The following SLC9A9 variants were observed in gnomAD, a reference collection of about 807,000 sequenced individuals.
The protein encoded by SLC9A9 is sodium/hydrogen exchanger 9.
In SLC9A9, 62 loss-of-function variants were observed where a neutral mutation model predicts 77.8. The ratio of observed to expected loss-of-function variants is 0.80; its 90% CI spans 0.65 to 0.98. The LOEUF is 0.98. SLC9A9 is among the 50% of genes least tolerant of loss of function. The pLI, the probability that SLC9A9 is intolerant of heterozygous loss-of-function variation, is 0.00. For synonymous variants in SLC9A9, 320 were observed against 283.5 expected (o/e 1.13, Z -1.29); for missense variants, 775 against 774.9 (o/e 1.00, Z 0.00).
intron 4 of SLC9A9, among the ~76,000 whole-genome samples, chr3:143,705,825 G>A (rs1449397622): frequency 6.6e-6 from 1 of 152,154 alleles, no homozygotes; most frequent in Non-Finnish European, 1.5e-5. Context: ...GGAGCTAGGT[G>A]TATAGTAAAG....
At chr3:143,304,090 T>TA (rs2030662259) in intron 14 of SLC9A9, among the ~76,000 whole-genome samples, 1 of 152,212 alleles carries the variant, frequency 6.6e-6, no homozygotes, top group Non-Finnish European at 1.5e-5. Context: ...AGTCACTTCT[T>TA]AGTCACCCAC....
chr3:143,375,506 G>C (rs1225222189), intron 13 of SLC9A9, among the ~76,000 whole-genome samples: 1 of 152,146 alleles, frequency 6.6e-6, no homozygotes, highest in Non-Finnish European at 1.5e-5. Context: ...CCTCTGTCAT[G>C]GCCAGGAGAA....
chr3:143,508,742 T>C (rs2036068911), intron 9 of SLC9A9, among the ~76,000 whole-genome samples: 1 of 152,222 alleles, frequency 6.6e-6, no homozygotes, highest in South Asian at 2.1e-4. Flanking sequence ...TGATTTACTA[T>C]TTAACCTGAC....
At chr3:143,782,932 G>A (rs2007928131) in intron 4 of SLC9A9, among the ~76,000 whole-genome samples, 1 of 152,074 alleles carries the variant, frequency 6.6e-6, no homozygotes, top group African/African-American at 2.4e-5. Flanking sequence ...TGCCCATGAT[G>A]GCCTTAATTG....
intron 9 of SLC9A9, among the ~76,000 whole-genome samples, chr3:143,531,766 T>G (rs1156518986): frequency 6.6e-6 from 1 of 152,102 alleles, no homozygotes; most frequent in Non-Finnish European, 1.5e-5. Context: ...AACAATAAGG[T>G]AAAAAGTAAA....
intron 14 of SLC9A9, among the ~76,000 whole-genome samples, chr3:143,284,142 C>T (rs1028925222): frequency 4.0e-5 from 6 of 151,686 alleles, no homozygotes; most frequent in Middle Eastern, 3.2e-3. Flanking sequence ...GAGAAAGCAT[C>T]GAGTCGTTAT....
At chr3:143,834,841 A>T (rs888202223) in intron 1 of SLC9A9, among the ~76,000 whole-genome samples, 3 of 152,148 alleles carry the variant, frequency 2.0e-5, no homozygotes, top group Non-Finnish European at 4.4e-5. Flanking sequence ...AGAGGTGACC[A>T]GATGTAATAT....
chr3:143,762,215 T>C (rs2007153724), intron 4 of SLC9A9, among the ~76,000 whole-genome samples: 1 of 152,088 alleles, frequency 6.6e-6, no homozygotes, highest in Admixed American at 6.5e-5. Context: ...GGGGAAGGGA[T>C]AGCATTAGGA....
intron 6 of SLC9A9, among the ~76,000 whole-genome samples, chr3:143,594,360 T>C (rs1329480793): frequency 1.3e-5 from 2 of 152,246 alleles, no homozygotes; most frequent in East Asian, 1.9e-4. Context: ...TGCCGTTTAT[T>C]GAGGGCCTCT....
chr3:143,822,682 A>T (rs151208193), intron 2 of SLC9A9, among the ~76,000 whole-genome samples: 84 of 152,370 alleles, frequency 5.5e-4, no homozygotes, highest in African/African-American at 1.9e-3. Flanking sequence ...GGAGACCAGC[A>T]ATGATAAATG....
chr3:143,578,967 G>A (rs1383895745), intron 6 of SLC9A9, among the ~76,000 whole-genome samples: 1 of 152,082 alleles, frequency 6.6e-6, no homozygotes, highest in Non-Finnish European at 1.5e-5. Context: ...ATATTGGAAG[G>A]GTCATAAAGA....
intron 14 of SLC9A9, among the ~76,000 whole-genome samples, chr3:143,330,240 A>G (rs2031729474): frequency 6.6e-6 from 1 of 152,208 alleles, no homozygotes; most frequent in African/African-American, 2.4e-5. Flanking sequence ...TTGGAAGCCA[A>G]GGCATTTCTG....
At chr3:143,728,194 GT>G (rs1934711064) in intron 4 of SLC9A9, among the ~76,000 whole-genome samples, 1 of 152,172 alleles carries the variant, frequency 6.6e-6, no homozygotes, top group Non-Finnish European at 1.5e-5. Context: ...CTTTTTGGGA[GT>G]TTACAGACCA....
intron 11 of SLC9A9, among the ~76,000 whole-genome samples, chr3:143,475,662 A>C (rs1368076010): frequency 6.6e-6 from 1 of 151,876 alleles, no homozygotes; most frequent in Non-Finnish European, 1.5e-5. Flanking sequence ...CGTGGTGGTG[A>C]ATGCCTGTAG....
chr3:143,616,974 A>AGT lies in SLC9A9; in HGVS notation c.755+35279_755+35280dup, dbSNP rs551749820. 3.3e-5 allele frequency among the ~76,000 whole-genome samples: 5 copies of AGT among 152,276 alleles called. No individual in the cohort carries two copies. In the South Asian group the frequency reaches 1.0e-3, roughly 32 times the overall value. ...AGAAATAAAACAAAAGAGAAAGCAC[A>AGT]GTGTGATAAGAAGAATGCTCAGGAT... On this transcript the variant is annotated intron_variant, in intron 6 of 15. Coordinates refer to ENST00000316549, the MANE Select transcript of SLC9A9 (RefSeq NM_173653.4).
At chr3:143,278,587 G>A (rs952087550) in intron 14 of SLC9A9, among the ~76,000 whole-genome samples, 27 of 152,174 alleles carry the variant, frequency 1.8e-4, no homozygotes, top group African/African-American at 6.0e-4. Flanking sequence ...TAGACGCATC[G>A]CTCCAATCTC....
chr3:143,712,616 C>T (rs1475352794), intron 4 of SLC9A9, among the ~76,000 whole-genome samples: 1 of 142,378 alleles, frequency 7.0e-6, no homozygotes, highest in East Asian at 1.9e-4. Flanking sequence ...ATAATGTCCT[C>T]CTTTAGTATT....
chr3:143,819,904 G>T (rs1440978554), intron 2 of SLC9A9, among the ~76,000 whole-genome samples: 1 of 152,106 alleles, frequency 6.6e-6, no homozygotes, highest in African/African-American at 2.4e-5. Context: ...CAGAGTTAAG[G>T]CCTTAGCTAT....
chr3:143,499,727 T>G (rs1441701845), intron 9 of SLC9A9, among the ~76,000 whole-genome samples: 2 of 152,182 alleles, frequency 1.3e-5, no homozygotes, highest in African/African-American at 4.8e-5. Context: ...TTTTTCACTA[T>G]TTCTCTATCA....
Sources: allele counts gnomAD v4.1 joint callset (sites outside exome capture counted in the v4.1 genomes callset), GRCh38; gene constraint gnomAD v4.1.1; transcripts MANE v1.5; gene names NCBI Gene and HGNC (gene_info 2026-07-23, HGNC 2026-07-21).